The following TAF3 variants were observed in gnomAD, a reference collection of about 807,000 sequenced individuals.
TAF3 encodes the protein TATA-box binding protein associated factor 3.
A neutral mutation model predicts 80.6 loss-of-function variants in TAF3; 7 were observed. That is an observed-to-expected ratio of 0.09 (90% CI 0.05 to 0.16). The LOEUF is 0.16. TAF3 is among the 10% of genes least tolerant of loss of function. TAF3 has a pLI of 1.00. For missense variants in TAF3, 921 were observed against 1,140.2 expected (o/e 0.81, Z 2.77); for synonymous variants, 444 against 446.1 (o/e 1.00, Z 0.06).
Position 8,009,442 on chromosome 10 carries a change from T to A in TAF3, c.2568+112T>A. 1 of 1,368,354 alleles carries A rather than the reference T, an allele frequency of 7.3e-7. No homozygotes were observed. The highest frequency in any genetic ancestry group is 9.6e-7 in the Non-Finnish European group (1 of 1,043,072). The allele number at this position is 1,368,354 out of a possible 1,614,324, so 84.8% of individuals were successfully genotyped here. A position where few individuals can be genotyped will look rare whatever the true frequency, so the allele number is the denominator to read the frequency against. ...CGCATTTCTCTTCAAAATTTTATTA[T>A]TTACTTAATTATTTTTGAGACAGGG... is the stretch of plus-strand genomic sequence containing the variant. On this transcript the variant is annotated intron_variant, in intron 5 of 6. Transcript: ENST00000344293. The surrounding 1 kb of genome is among the most constrained non-coding windows in gnomAD (Gnocchi z 4.1).
At chr10:7,849,506 G>C (rs1026407815) in intron 2 of TAF3, among the ~76,000 whole-genome samples, 1 of 152,056 alleles carries the variant, frequency 6.6e-6, no homozygotes, top group Non-Finnish European at 1.5e-5. Context: ...TTGTATGTAG[G>C]CTAAATTTTA....
intron 2 of TAF3, among the ~76,000 whole-genome samples, chr10:7,897,822 GCTAA>G (rs1564359144): frequency 6.6e-6 from 1 of 151,966 alleles, no homozygotes; most frequent in Non-Finnish European, 1.5e-5. Flanking sequence ...ACCATGCCCG[GCTAA>G]CTTTTTGATT....
In TAF3 at chr10:7,931,906, A is replaced by G. The variant is rs570308045; in HGVS notation, c.410-32014A>G. 5.3e-5 allele frequency among the ~76,000 whole-genome samples: 8 copies of G among 152,364 alleles called. No homozygotes were observed. The East Asian group carries it at 5.8e-4, about 11-fold the overall frequency. On this transcript the variant is annotated intron_variant, in intron 2 of 6. Coordinates refer to ENST00000344293, the MANE Select transcript of TAF3 (RefSeq NM_031923.4). ...CAAAAACAGAAATGAATTCATTACA[A>G]TGTAATGTGGCAGATGAAATAATAG...
At chr10:7,835,929 C>A (rs1836848029) in intron 2 of TAF3, among the ~76,000 whole-genome samples, 1 of 152,180 alleles carries the variant, frequency 6.6e-6, no homozygotes, top group South Asian at 2.1e-4. Flanking sequence ...CTACCACTTT[C>A]TTCCCAGGAT....
chr10:7,900,140 G>A (rs1837544797), intron 2 of TAF3, among the ~76,000 whole-genome samples: 1 of 152,152 alleles, frequency 6.6e-6, no homozygotes. Context: ...CTACAACTTA[G>A]AATAGTTATA....
chr10:7,868,232 A>G (rs972584345), intron 2 of TAF3, among the ~76,000 whole-genome samples: 4 of 152,242 alleles, frequency 2.6e-5, no homozygotes, highest in African/African-American at 7.2e-5. Flanking sequence ...TCATCCAACA[A>G]AAGTAATGAC....
chr10:7,920,296 ATACG>A (rs1338093539), intron 2 of TAF3, among the ~76,000 whole-genome samples: 4 of 134,220 alleles, frequency 3.0e-5, no homozygotes, highest in African/African-American at 1.1e-4. Flanking sequence ...AAATTTAAAC[ATACG>A]TGTGTGTGTG....
At chr10:7,980,591 T>C (rs1275834140) in intron 4 of TAF3, among the ~76,000 whole-genome samples, 1 of 152,228 alleles carries the variant, frequency 6.6e-6, no homozygotes, top group Non-Finnish European at 1.5e-5. Context: ...GTAGTCTATA[T>C]TGAAGATAAA....
At chr10:7,876,450 A>T in intron 2 of TAF3, among the ~76,000 whole-genome samples, 1 of 152,304 alleles carries the variant, frequency 6.6e-6, no homozygotes, top group East Asian at 1.9e-4. Flanking sequence ...TTGTTTTCTA[A>T]AAGTTTTCTT....
At chr10:8,000,200 G>A (rs1484134692) in intron 4 of TAF3, among the ~76,000 whole-genome samples, 1 of 152,016 alleles carries the variant, frequency 6.6e-6, no homozygotes, top group East Asian at 1.9e-4. Flanking sequence ...CACTATCTCA[G>A]CTCACTCCTG....
chr10:7,841,941 G>C (rs1465072799), intron 2 of TAF3, among the ~76,000 whole-genome samples: 1 of 151,962 alleles, frequency 6.6e-6, no homozygotes, highest in East Asian at 1.9e-4. Context: ...TCGTACCCAG[G>C]GCAGACTTGG....
intron 2 of TAF3, among the ~76,000 whole-genome samples, chr10:7,869,244 A>G (rs577218785): frequency 6.6e-6 from 1 of 151,940 alleles, no homozygotes; most frequent in Non-Finnish European, 1.5e-5. Flanking sequence ...CCTGACTTCT[A>G]CCGTGTGTGT....
Position 7,941,056 on chromosome 10 carries a change from A to G in TAF3, c.410-22864A>G, listed in dbSNP as rs566698424. On this transcript the variant is annotated intron_variant, in intron 2 of 6. Transcript: ENST00000344293. ...GTTGAAGTGGTGCAGTGCTGCTGGA[A>G]GGAAGAAAAGTCAAGGAAGATAAGA... is the stretch of plus-strand genomic sequence containing the variant. Among the ~76,000 whole-genome samples the G allele has an allele frequency of 8.2e-4, 125 of 152,318 alleles. 2 individuals are homozygous for G.
chr10:7,880,737 G>A (rs1432739456), intron 2 of TAF3, among the ~76,000 whole-genome samples: 5 of 151,852 alleles, frequency 3.3e-5, no homozygotes, highest in Non-Finnish European at 5.9e-5. Context: ...TGACCACCAA[G>A]GTTATCAGAT....
intron 2 of TAF3, among the ~76,000 whole-genome samples, chr10:7,873,088 A>G (rs891932414): frequency 3.3e-5 from 5 of 152,218 alleles, no homozygotes; most frequent in African/African-American, 1.2e-4. Flanking sequence ...TGAAAAAATT[A>G]AAAGTAATAA....
intron 5 of TAF3, among the ~76,000 whole-genome samples, chr10:8,012,294 A>C (rs910737202): frequency 1.3e-5 from 2 of 152,224 alleles, no homozygotes; most frequent in African/African-American, 4.8e-5. Flanking sequence ...GCAAAAAGGC[A>C]AATTTTGTCA....
At chr10:7,973,521 G>A (rs1199400488) in intron 3 of TAF3, among the ~76,000 whole-genome samples, 1 of 152,108 alleles carries the variant, frequency 6.6e-6, no homozygotes, top group African/African-American at 2.4e-5. Context: ...TGTGACCTCA[G>A]AAGAGAAAAG....
chr10:7,853,032 T>C (rs567670879), intron 2 of TAF3, among the ~76,000 whole-genome samples: 46 of 152,364 alleles, frequency 3.0e-4, no homozygotes, highest in African/African-American at 1.1e-3. Flanking sequence ...GATGTTCAAA[T>C]TGTCCCATCT....
intron 2 of TAF3, among the ~76,000 whole-genome samples, 156 bp from the exon 3 acceptor site, chr10:7,963,764 A>C (rs2131411948): frequency 6.6e-6 from 1 of 152,316 alleles, no homozygotes; most frequent in South Asian, 2.1e-4. Flanking sequence ...CCTGTGTAAC[A>C]AACCTGCATG....
Sources: allele counts gnomAD v4.1 joint callset (sites outside exome capture counted in the v4.1 genomes callset), GRCh38; gene constraint gnomAD v4.1.1; non-coding constraint Gnocchi (gnomAD v3.1); transcripts MANE v1.5; gene names NCBI Gene and HGNC (gene_info 2026-07-23, HGNC 2026-07-21).